Variants in FCSK observed in about 807,000 individuals in gnomAD.
The protein encoded by FCSK is L-fucose kinase.
In FCSK, 123 loss-of-function variants were observed where a neutral mutation model predicts 122.5. The observed-to-expected ratio is 1.00, with a 90% CI of 0.87 to 1.17. The LOEUF (loss-of-function observed/expected upper bound fraction) is 1.17, where lower values mean the gene tolerates loss of function less well. Ranked by LOEUF, FCSK falls within the 50% of genes most tolerant of loss-of-function variation. FCSK has a pLI of 0.00. For synonymous variants in FCSK, 620 were observed against 625.5 expected, an observed-to-expected ratio of 0.99 and a Z score of 0.13; for missense variants, 1,366 against 1,450.4, an observed-to-expected ratio of 0.94 and a Z score of 0.95.
intron 20 of FCSK, among the ~76,000 whole-genome samples, chr16:70,476,989 G>A (rs886253673): frequency 6.6e-6 from 1 of 152,166 alleles, no homozygotes; most frequent in African/African-American, 2.4e-5. Context: ...ATTACAAACT[G>A]TGCCAAGTGC....
Position 70,479,710 on chromosome 16 carries a change from C to G in FCSK, c.*30C>G, listed in dbSNP as rs762463949. The G allele has an allele frequency of 1.9e-6, 3 of 1,573,288 alleles. No individual in the cohort carries two copies. The highest frequency in any genetic ancestry group is 1.7e-4 in the Middle Eastern group (1 of 5,894). On this transcript the variant is annotated 3_prime_UTR_variant, in exon 24 of 24. Coordinates refer to ENST00000288078, the MANE Select transcript of FCSK (RefSeq NM_145059.3). Reference sequence around the variant, plus strand: ...GGCTTCTCTCTGCAACAGGAGAAAACCTGGAGCTACAGTGTCCCCCACCTT... The same window carrying G: ...GGCTTCTCTCTGCAACAGGAGAAAAGCTGGAGCTACAGTGTCCCCCACCTT...
In FCSK at chr16:70,474,518, C is replaced by T. The variant is rs1330084571; in HGVS notation, c.1989-10C>T. The T allele has an allele frequency of 1.3e-6, 2 of 1,547,118 alleles. No homozygotes were observed. The highest frequency in any genetic ancestry group is 1.7e-6 in the Non-Finnish European group (2 of 1,146,832). On this transcript the variant is annotated splice_polypyrimidine_tract_variant and intron_variant, in intron 16 of 23. Transcript: ENST00000288078. ...CTGCATGCCACCATCCCTCCCCCTT[C>T]TCTTGGCAGGCCAGCCTTGCTGGTG...
At chr16:70,467,264 T>G (rs1047101508) in intron 6 of FCSK, 110 bp from the exon 7 acceptor site, 2 of 718,064 alleles carry the variant, frequency 2.8e-6, no homozygotes, top group African/African-American at 3.6e-5. Flanking sequence ...CGTATTTCCC[T>G]TTTAGAGGTG....
rs1228704900 is a variant in FCSK, at chr16:70,474,252, G to A, written c.1901G>A (p.Trp634Ter). Residue 634 changes from tryptophan (W) to a stop codon, truncating the protein, a stop_gained, in exon 16 of 24, where the codon TGG (tryptophan) becomes TAG (stop). Transcript: ENST00000288078. LOFTEE classifies it high-confidence loss of function. The part of the protein sequence containing the change: ...LRSGPAANPE[W>*]MRPFSYLECG... ...AGCGGGCCAGCTGCCAACCCTGAGT[G>A]GATGCGGCCCTTCTCATACCTGGAG... The A allele has an allele frequency of 2.5e-6, 4 of 1,612,006 alleles. No individual in the cohort carries two copies. In the African/African-American group the frequency reaches 4.0e-5, roughly 16 times the overall value.
chr16:70,474,884 C>A lies in FCSK; in HGVS notation c.2250C>A (p.Ala750=). ...TGGACGGCCGCCGGCCCATCGGAGC[C>A]AGGGCACGCCGCATCCCGGAGCCTG... is the stretch of plus-strand genomic sequence containing the variant. ...VRVDGRRPIG[A]RARRIPEPEL... Residue 750 remains alanine (A), a synonymous_variant, in exon 18 of 24, where the codon GCC becomes GCA. Transcript: ENST00000288078. 6.2e-7 allele frequency: 1 copy of A among 1,605,076 alleles called. No homozygotes were observed. The highest frequency in any genetic ancestry group is 8.5e-7 in the Non-Finnish European group (1 of 1,176,806).
At chr16:70,463,100 T>C (rs1224550697) in intron 1 of FCSK, 69 bp from the exon 2 acceptor site, 1 of 899,976 alleles carries the variant, frequency 1.1e-6, no homozygotes, top group African/African-American at 1.7e-5. Flanking sequence ...TAGAATTGTA[T>C]ATAAAATTAA....
At position 70,476,531 on chromosome 16, in the gene FCSK, C is replaced by T. The variant is rs182886503; in HGVS notation, c.2641+764C>T. Among the ~76,000 whole-genome samples the T allele has an allele frequency of 1.7e-3, 256 of 151,982 alleles. 1 individual carries two copies. In the Middle Eastern group the frequency reaches 0.017, roughly 10 times the overall value. The stretch of plus-strand genomic sequence containing the variant: ...ACTATGATCTAATGAATGTCACCAG[C>T]GCCAGGCTTCTCACTCCTCCTGGCC... On this transcript the variant is annotated intron_variant, in intron 20 of 23. Transcript: ENST00000288078.
chr16:70,459,349 C>T (rs570457319), intron 1 of FCSK, among the ~76,000 whole-genome samples: 1 of 152,000 alleles, frequency 6.6e-6, no homozygotes, highest in South Asian at 2.1e-4. Context: ...CCAGCCTGGC[C>T]AACATGGTGA....
intron 1 of FCSK, among the ~76,000 whole-genome samples, chr16:70,456,367 A>T (rs2048094636): frequency 6.6e-6 from 1 of 152,228 alleles, no homozygotes; most frequent in African/African-American, 2.4e-5. Flanking sequence ...AGTGACACTG[A>T]TGTGCCTTTG....
In FCSK at chr16:70,475,671, A is replaced by G. The variant is rs1420747774; in HGVS notation, c.2545A>G (p.Thr849Ala). ...GLGTSSILAGTALAALQRAAG... is the reference protein window; with the variant it reads ...GLGTSSILAGAALAALQRAAG... Reference sequence around the variant, plus strand: ...AGGCACCAGCAGCATCCTGGCAGGCACTGCCCTGGCTGCCTTGCAGCGAGC... The same window carrying G: ...AGGCACCAGCAGCATCCTGGCAGGCGCTGCCCTGGCTGCCTTGCAGCGAGC... Residue 849 changes from threonine (T) to alanine (A), a missense_variant, in exon 20 of 24, where the codon ACT (threonine) becomes GCT (alanine). Physicochemically the swap from Thr to Ala is moderately conservative, Grantham distance 58. Coordinates refer to ENST00000288078, the MANE Select transcript of FCSK (RefSeq NM_145059.3). 3 of 1,601,624 alleles carry G rather than the reference A, an allele frequency of 1.9e-6. No individual in the cohort carries two copies. The African/African-American group carries it at 4.0e-5, about 21-fold the overall frequency.
rs750627354 is a variant in FCSK at position 70,467,079 on chromosome 16, G to A, written c.484+125G>A. ...TGCCCTATTAGACGGGAAGCTGGAG[G>A]GTGTGGAGAATGAAGCCTGGTGGAG... is the stretch of plus-strand genomic sequence containing the variant. On this transcript the variant is annotated intron_variant, in intron 6 of 23. Transcript: ENST00000288078. 2.0e-5 allele frequency: 18 copies of A among 913,072 alleles called. No individual in the cohort carries two copies. In the South Asian group the frequency reaches 2.5e-4, roughly 13 times the overall value. 56.6% of individuals were successfully genotyped at this position (913,072 alleles called of 1,614,324 possible).
chr16:70,458,086 A>G (rs2048146736), intron 1 of FCSK: 1 of 151,794 alleles, frequency 6.6e-6, no homozygotes, highest in Non-Finnish European at 1.5e-5. Flanking sequence ...ATAAAAAAAA[A>G]AAATCACAGC....
At chr16:70,466,783 G>T in intron 5 of FCSK, 99 bp from the exon 6 acceptor site, 1 of 1,030,408 alleles carries the variant, frequency 9.7e-7, no homozygotes, top group Non-Finnish European at 1.4e-6. Context: ...GGTCTTGGAG[G>T]CCCTTGTTAC....
At chr16:70,464,539 C>T (rs1299547441) in intron 3 of FCSK, among the ~76,000 whole-genome samples, 3 of 152,078 alleles carry the variant, frequency 2.0e-5, no homozygotes. Context: ...GTAATCCCAG[C>T]TACTCGGGAG....
chr16:70,470,152 A>G (rs2048564577), intron 10 of FCSK, among the ~76,000 whole-genome samples, 162 bp from the exon 11 acceptor site: 2 of 152,018 alleles, frequency 1.3e-5, no homozygotes, highest in Non-Finnish European at 2.9e-5. Context: ...CAACCTGTCT[A>G]CTTTCTAGCT....
chr16:70,461,524 C>G (rs1327036975), intron 1 of FCSK, among the ~76,000 whole-genome samples: 1 of 152,064 alleles, frequency 6.6e-6, no homozygotes, highest in Non-Finnish European at 1.5e-5. Context: ...CTGAGAGTGC[C>G]CTGGAGGAAG....
chr16:70,464,889 A>G (rs2048370248), intron 3 of FCSK: 2 of 755,234 alleles, frequency 2.6e-6, no homozygotes, highest in African/African-American at 3.5e-5. Flanking sequence ...AAACAACAAC[A>G]ACAACAGCAA....
intron 1 of FCSK, among the ~76,000 whole-genome samples, chr16:70,455,113 C>T (rs1214795031): frequency 1.3e-5 from 2 of 152,218 alleles, no homozygotes; most frequent in Non-Finnish European, 2.9e-5. Flanking sequence ...ATTTAGAAGG[C>T]AGCAAGTCAG....
rs1399317779 is a variant in FCSK, at chr16:70,470,417, C to T, written c.1059C>T (p.Ser353=). The stretch of plus-strand genomic sequence containing the variant: ...CTCCTGGGGCCCAGATTGTGCACTC[C>T]CAGGTGGAGGTGAGACCTCCCTGCC... ...PGAPGAQIVH[S]QVEEQQLLAA... Residue 353 remains serine, a synonymous_variant, in exon 11 of 24, where the codon TCC becomes TCT. Coordinates refer to ENST00000288078, the MANE Select transcript of FCSK (RefSeq NM_145059.3). 1.2e-6 allele frequency: 2 copies of T among 1,609,416 alleles called. No individual in the cohort carries two copies. The highest frequency in any genetic ancestry group is 2.2e-5 in the East Asian group (1 of 44,832).
Sources: allele counts gnomAD v4.1 joint callset (sites outside exome capture counted in the v4.1 genomes callset), GRCh38; gene constraint gnomAD v4.1.1; transcripts MANE v1.5; gene names NCBI Gene and HGNC (gene_info 2026-07-23, HGNC 2026-07-21).